Variants in GRID2 observed in about 807,000 individuals in gnomAD.
GRID2 encodes glutamate ionotropic receptor delta type subunit 2.
A neutral mutation model predicts 114.8 loss-of-function variants in GRID2; 33 were observed. That is an observed-to-expected ratio of 0.29 (90% CI 0.22 to 0.38). The LOEUF (loss-of-function observed/expected upper bound fraction) is 0.38. Ranked by LOEUF, GRID2 falls within the 10% of genes least tolerant of loss-of-function variation. GRID2 has a pLI of 1.00. For synonymous variants in GRID2, 505 were observed against 449.9 expected, an observed-to-expected ratio of 1.12 and a Z score of -1.55; for missense variants, 1,184 against 1,257.7, an observed-to-expected ratio of 0.94 and a Z score of 0.89.
intron 13 of GRID2, among the ~76,000 whole-genome samples, chr4:93,587,912 C>T (rs1038855090): frequency 2.0e-5 from 3 of 152,006 alleles, no homozygotes; most frequent in Non-Finnish European, 4.4e-5. Flanking sequence ...TTATTAAAAG[C>T]GGTTATCAGA....
intron 10 of GRID2, among the ~76,000 whole-genome samples, chr4:93,434,479 C>G (rs1192770718): frequency 6.6e-6 from 1 of 151,998 alleles, no homozygotes; most frequent in Admixed American, 6.6e-5. Flanking sequence ...TTAAAAAAGA[C>G]CAAAGCCAAC....
intron 8 of GRID2, chr4:93,282,332 C>A: frequency 2.4e-6 from 1 of 419,008 alleles, no homozygotes; most frequent in South Asian, 1.7e-5. Flanking sequence ...GACAGAATAC[C>A]AGAGATGGAG....
At chr4:92,877,136 T>C (rs558718331) in intron 2 of GRID2, among the ~76,000 whole-genome samples, 1 of 152,322 alleles carries the variant, frequency 6.6e-6, no homozygotes, top group Non-Finnish European at 1.5e-5. Context: ...CCTCAATCTA[T>C]GTATAGAGTC....
chr4:93,667,390 T>C (rs1242049965), intron 14 of GRID2, among the ~76,000 whole-genome samples: 3 of 137,272 alleles, frequency 2.2e-5, no homozygotes, highest in African/African-American at 1.0e-4. Context: ...CTCTCTCTCT[T>C]TTTTTTTTTT....
intron 10 of GRID2, among the ~76,000 whole-genome samples, chr4:93,424,041 C>A (rs78174709): frequency 1.3e-5 from 2 of 151,950 alleles, no homozygotes; most frequent in Non-Finnish European, 2.9e-5. Context: ...TTACTACATT[C>A]TATCTTAAGT....
chr4:93,509,530 T>C (rs552324494), intron 12 of GRID2, among the ~76,000 whole-genome samples: 1 of 152,314 alleles, frequency 6.6e-6, no homozygotes, highest in South Asian at 2.1e-4. Context: ...TTATAAACAA[T>C]ATCTAATTCA....
At chr4:93,659,406 C>A (rs751130324) in intron 14 of GRID2, among the ~76,000 whole-genome samples, 1 of 152,030 alleles carries the variant, frequency 6.6e-6, no homozygotes, top group African/African-American at 2.4e-5. Context: ...TATTCACCAA[C>A]GAATTACTAG....
chr4:92,688,037 C>CTTTTTTTTTTTTTTTTTT lies in GRID2; in HGVS notation c.244+97763_244+97780dup, dbSNP rs760605020. On this transcript the variant is annotated intron_variant, in intron 2 of 15. Transcript: ENST00000282020. ...GCCACATTGGTTGACCCTTCTTCTT[C>CTTTTTTTTTTTTTTTTTT]TTTTTTTTTTTTTTTTTTTTTTTTT... Among the ~76,000 whole-genome samples, 20 of 44,670 alleles carry CTTTTTTTTTTTTTTTTTT rather than the reference C, an allele frequency of 4.5e-4. 1 individual carries two copies. Among genetic ancestry groups the CTTTTTTTTTTTTTTTTTT allele is most frequent in the East Asian group, 1.1e-3 (2 of 1,888 alleles). 29.3% of individuals were successfully genotyped at this position (44,670 alleles called of 152,430 possible). A position where few individuals can be genotyped will look rare whatever the true frequency, so the allele number is the denominator to read the frequency against.
intron 1 of GRID2, among the ~76,000 whole-genome samples, chr4:92,332,170 G>GA (rs917758023): frequency 3.3e-5 from 5 of 151,402 alleles, no homozygotes; most frequent in Non-Finnish European, 2.9e-5. Context: ...AGTTTATAAG[G>GA]AAAAAAAAAT....
intron 9 of GRID2, among the ~76,000 whole-genome samples, chr4:93,420,762 AT>A (rs980508051): frequency 5.1e-5 from 6 of 117,488 alleles, no homozygotes; most frequent in African/African-American, 1.7e-4. Context: ...TTATTTATTT[AT>A]TTATGTTTTT....
At chr4:92,418,782 A>G (rs1413138496) in intron 1 of GRID2, among the ~76,000 whole-genome samples, 1 of 152,030 alleles carries the variant, frequency 6.6e-6, no homozygotes, top group Non-Finnish European at 1.5e-5. Flanking sequence ...CATAAATGAC[A>G]TGTTTAGTAG....
chr4:92,532,013 A>G (rs1402351702), intron 1 of GRID2, among the ~76,000 whole-genome samples: 1 of 152,168 alleles, frequency 6.6e-6, no homozygotes, highest in East Asian at 1.9e-4. Flanking sequence ...ATAAGATGTT[A>G]TCTCTTTCTA....
At chr4:92,907,439 T>C (rs1424981748) in intron 2 of GRID2, among the ~76,000 whole-genome samples, 8 of 152,118 alleles carry the variant, frequency 5.3e-5, no homozygotes, top group Admixed American at 3.3e-4. Context: ...GAGACAGATA[T>C]TCGCTCTTGT....
At chr4:92,977,174 T>C (rs937622933) in intron 2 of GRID2, among the ~76,000 whole-genome samples, 2 of 152,188 alleles carry the variant, frequency 1.3e-5, no homozygotes, top group Admixed American at 1.3e-4. Context: ...AAATATGTAC[T>C]ATGCAGGAAG....
rs111371458 is a variant in GRID2 at position 93,564,315 on chromosome 4, T to A, written c.2193+48904T>A. Among the ~76,000 whole-genome samples the A allele has an allele frequency of 7.4e-3, 1,126 of 152,042 alleles. 14 individuals are homozygous for A. Among genetic ancestry groups the A allele is most frequent in the African/African-American group, 0.025 (1,049 of 41,526 alleles). Reference sequence around the variant, plus strand: ...GATGTCCTTTTATTTATTTATTTATTTATTTTGTTTCATTTTCCTTTCCTA... The same window carrying A: ...GATGTCCTTTTATTTATTTATTTATATATTTTGTTTCATTTTCCTTTCCTA... On this transcript the variant is annotated intron_variant, in intron 13 of 15. Transcript: ENST00000282020.
intron 1 of GRID2, among the ~76,000 whole-genome samples, chr4:92,342,159 A>C (rs188150163): frequency 1.4e-4 from 21 of 152,306 alleles, no homozygotes; most frequent in African/African-American, 4.6e-4. Context: ...ATGCACTAAA[A>C]TGTAAATATG....
At chr4:92,490,421 A>G (rs1158427045) in intron 1 of GRID2, among the ~76,000 whole-genome samples, 2 of 152,128 alleles carry the variant, frequency 1.3e-5, no homozygotes, top group Non-Finnish European at 2.9e-5. Context: ...TCCTGCTCTG[A>G]TCAGTTTAGT....
intron 14 of GRID2, among the ~76,000 whole-genome samples, chr4:93,663,528 G>C (rs1269825874): frequency 6.6e-6 from 1 of 152,132 alleles, no homozygotes; most frequent in Non-Finnish European, 1.5e-5. Flanking sequence ...GTGTGTGTCT[G>C]TGTGTGTTTG....
intron 2 of GRID2, among the ~76,000 whole-genome samples, chr4:92,959,628 G>A (rs1350203190): frequency 2.0e-5 from 3 of 151,920 alleles, no homozygotes; most frequent in African/African-American, 7.3e-5. Context: ...ATTATAGACT[G>A]GATAAATAAA....
Sources: allele counts gnomAD v4.1 joint callset (sites outside exome capture counted in the v4.1 genomes callset), GRCh38; gene constraint gnomAD v4.1.1; transcripts MANE v1.5; gene names NCBI Gene and HGNC (gene_info 2026-07-23, HGNC 2026-07-21).